The following DOCK3 variants were observed in gnomAD, a reference collection of about 807,000 sequenced individuals.
DOCK3 encodes the protein dedicator of cytokinesis protein 3.
DOCK3 carries 60 observed loss-of-function variants against 265.6 expected under a neutral mutation model. The ratio of observed to expected loss-of-function variants is 0.23; its 90% CI spans 0.18 to 0.28. The LOEUF is 0.28. Among genes scored for constraint, DOCK3 ranks in the 10% least tolerant of loss-of-function variants. DOCK3 has a pLI of 1.00. For missense variants in DOCK3, 1,981 were observed against 2,594.3 expected, an observed-to-expected ratio of 0.76 and a Z score of 5.14; for synonymous variants, 881 against 938.0, an observed-to-expected ratio of 0.94 and a Z score of 1.11.
At chr3:51,252,247 C>T (rs2079289942) in intron 22 of DOCK3, among the ~76,000 whole-genome samples, 1 of 152,184 alleles carries the variant, frequency 6.6e-6, no homozygotes, top group Non-Finnish European at 1.5e-5. Context: ...CAGTACCATG[C>T]TGTTTTGGTT....
rs1313874858 is a variant in DOCK3 at position 51,357,976 on chromosome 3, G to T, written c.4783G>T (p.Val1595Phe). 4 of 1,613,912 alleles carry T rather than the reference G, an allele frequency of 2.5e-6. No individual in the cohort carries two copies. The highest frequency in any genetic ancestry group is 3.4e-6 in the Non-Finnish European group (4 of 1,179,900). Residue 1595 changes from valine to phenylalanine, a missense_variant, in exon 46 of 53, where the codon GTT becomes TTT. Coordinates refer to ENST00000266037, the MANE Select transcript of DOCK3 (RefSeq NM_004947.5). Reference sequence around the variant, plus strand: ...ACTCTGATAGGTTCATGTCCTTGGAGTTGGGCTAGCAGTTCATGAGAAGTT... The same window carrying T: ...ACTCTGATAGGTTCATGTCCTTGGATTTGGGCTAGCAGTTCATGAGAAGTT... Reference protein sequence around the residue: ...LMQEQVHVLGVGLAVHEKFVH... With the variant: ...LMQEQVHVLGFGLAVHEKFVH...
intron 7 of DOCK3, among the ~76,000 whole-genome samples, chr3:51,078,067 GAC>G (rs1560029565): frequency 2.6e-5 from 4 of 151,720 alleles, no homozygotes; most frequent in African/African-American, 7.3e-5. Context: ...AAAAGAGAGA[GAC>G]AGAGAGAGAG....
chr3:51,290,559 TA>T (rs1479788797), intron 27 of DOCK3, among the ~76,000 whole-genome samples: 1 of 151,908 alleles, frequency 6.6e-6, no homozygotes, highest in Admixed American at 6.6e-5. Context: ...AGGGGAGGGA[TA>T]GCATTAGGAG....
At chr3:50,751,367 C>G (rs2039794798) in intron 1 of DOCK3, among the ~76,000 whole-genome samples, 1 of 151,928 alleles carries the variant, frequency 6.6e-6, no homozygotes, top group Non-Finnish European at 1.5e-5. Context: ...AACCCGTCAT[C>G]TAGGTTTTAA....
At chr3:51,358,653 T>G (rs1260301697) in intron 46 of DOCK3, among the ~76,000 whole-genome samples, 2 of 152,188 alleles carry the variant, frequency 1.3e-5, no homozygotes, top group African/African-American at 4.8e-5. Context: ...TGAGATAGCC[T>G]AGGATGAGCA....
chr3:50,988,798 T>C (rs551631868), intron 5 of DOCK3, among the ~76,000 whole-genome samples: 10 of 152,222 alleles, frequency 6.6e-5, no homozygotes, highest in Admixed American at 1.3e-4. Flanking sequence ...CAGACTGTTA[T>C]GTGGTCACCC....
chr3:51,046,909 C>T (rs2080798751), intron 5 of DOCK3, among the ~76,000 whole-genome samples: 1 of 151,832 alleles, frequency 6.6e-6, no homozygotes. Flanking sequence ...TTTACAAATA[C>T]ATGGAAATTA....
rs775338280 is a variant in DOCK3, at chr3:51,246,778, C to A, written c.2155C>A (p.Arg719=). 5 of 1,613,310 alleles carry A rather than the reference C, an allele frequency of 3.1e-6. No individual in the cohort carries two copies. Among genetic ancestry groups the A allele is most frequent in the Non-Finnish European group, 4.2e-6 (5 of 1,179,698 alleles). Residue 719 remains arginine (R), a synonymous_variant, in exon 22 of 53, where the codon CGA becomes AGA. Coordinates refer to ENST00000266037, the MANE Select transcript of DOCK3 (RefSeq NM_004947.5). ...WYMDCSAELI[R]QDHIQEAMRA... is the part of the protein sequence containing the mutation. Reference sequence around the variant, plus strand: ...TATGGACTGCTCAGCAGAACTGATTCGACAGGACCACATTCAAGAAGCTAT... The same window carrying A: ...TATGGACTGCTCAGCAGAACTGATTAGACAGGACCACATTCAAGAAGCTAT...
chr3:51,010,163 T>C (rs1266349105), intron 5 of DOCK3, among the ~76,000 whole-genome samples: 3 of 152,286 alleles, frequency 2.0e-5, no homozygotes, highest in African/African-American at 7.2e-5. Context: ...GTTCAGTTCC[T>C]GGATATCCTT....
intron 1 of DOCK3, among the ~76,000 whole-genome samples, chr3:50,715,274 G>A (rs574991905): frequency 4.1e-4 from 63 of 152,376 alleles, no homozygotes; most frequent in Non-Finnish European, 7.3e-4. Context: ...TAGGCCAGGC[G>A]TGGTGGCGGC....
intron 2 of DOCK3, among the ~76,000 whole-genome samples, chr3:50,791,264 T>TTTC (rs1390820015): frequency 7.1e-6 from 1 of 140,370 alleles, no homozygotes; most frequent in East Asian, 2.1e-4. Flanking sequence ...CTATCTTTTT[T>TTTC]TTTTTTTTTT....
chr3:51,328,521 A>T (rs2084300828), intron 32 of DOCK3, among the ~76,000 whole-genome samples: 1 of 151,792 alleles, frequency 6.6e-6, no homozygotes, highest in Non-Finnish European at 1.5e-5. Flanking sequence ...TAAGGACCCC[A>T]GGTCTCAGAC....
At chr3:51,326,070 A>G (rs2084089196) in intron 32 of DOCK3, among the ~76,000 whole-genome samples, 1 of 151,982 alleles carries the variant, frequency 6.6e-6, no homozygotes, top group East Asian at 1.9e-4. Flanking sequence ...AAAAAAAAAA[A>G]AAGGCCAAAA....
chr3:51,365,108 C>T (rs1419266681), intron 49 of DOCK3, among the ~76,000 whole-genome samples: 1 of 152,216 alleles, frequency 6.6e-6, no homozygotes, highest in Non-Finnish European at 1.5e-5. Flanking sequence ...TTCTTCCTAT[C>T]CATGAGCATG....
intron 2 of DOCK3, among the ~76,000 whole-genome samples, chr3:50,819,876 C>T (rs540998451): frequency 1.8e-4 from 28 of 152,264 alleles, no homozygotes; most frequent in African/African-American, 5.8e-4. Flanking sequence ...GCAGGAGAAT[C>T]GCTTGAGCCT....
chr3:51,249,950 G>A (rs2079108445), intron 22 of DOCK3, among the ~76,000 whole-genome samples: 1 of 151,320 alleles, frequency 6.6e-6, no homozygotes, highest in Admixed American at 6.6e-5. Flanking sequence ...TTCTGCCTTG[G>A]GATCCTGTTG....
intron 1 of DOCK3, among the ~76,000 whole-genome samples, chr3:50,714,023 G>T (rs1170705241): frequency 6.6e-6 from 1 of 151,294 alleles, no homozygotes. Context: ...TTACAATATT[G>T]CCCAGGATGG....
chr3:51,063,477 G>A (rs1438896439), intron 5 of DOCK3, among the ~76,000 whole-genome samples: 1 of 152,156 alleles, frequency 6.6e-6, no homozygotes, highest in Non-Finnish European at 1.5e-5. Context: ...GTGATTTGCT[G>A]TATAGCTAAT....
chr3:51,105,837 A>T (rs1056658646), intron 9 of DOCK3, among the ~76,000 whole-genome samples: 9 of 152,190 alleles, frequency 5.9e-5, no homozygotes, highest in African/African-American at 2.2e-4. Flanking sequence ...GGAATTCTGC[A>T]TGGGGCTACC....
Sources: gnomAD v4.1 joint callset for allele counts (sites outside exome capture counted in the v4.1 genomes callset) on GRCh38, gnomAD v4.1.1 for gene constraint, MANE v1.5 for transcripts, NCBI Gene and HGNC (gene_info 2026-07-23, HGNC 2026-07-21) for gene names.